The following SPEF2 variants were observed in gnomAD, a reference collection of about 807,000 sequenced individuals.
SPEF2 encodes sperm flagella and cilia-associated protein 2.
A neutral mutation model predicts 224.6 loss-of-function variants in SPEF2; 187 were observed. The ratio of observed to expected loss-of-function variants is 0.83; its 90% confidence interval spans 0.74 to 0.94. The LOEUF (loss-of-function observed/expected upper bound fraction) is 0.94. Ranked by LOEUF, SPEF2 falls within the 40% of genes least tolerant of loss-of-function variation. The pLI, the probability that SPEF2 is intolerant of heterozygous loss-of-function variation, is 0.00. For missense variants in SPEF2, 2,170 were observed against 2,135.6 expected, an observed-to-expected ratio of 1.02 and a Z score of -0.32; for synonymous variants, 715 against 707.3, an observed-to-expected ratio of 1.01 and a Z score of -0.17.
intron 3 of SPEF2, among the ~76,000 whole-genome samples, chr5:35,642,520 C>G (rs539678074): frequency 6.6e-6 from 1 of 152,282 alleles, no homozygotes; most frequent in Non-Finnish European, 1.5e-5. Context: ...GTCATATGAC[C>G]TTACCAGATT....
At chr5:35,791,106 C>T (rs994638191) in intron 30 of SPEF2, 1 of 152,126 alleles carries the variant, frequency 6.6e-6, no homozygotes, top group African/African-American at 2.4e-5. Flanking sequence ...AAGAACATAA[C>T]TAATTTATGT....
chr5:35,807,905 C>G (rs367795245), intron 36 of SPEF2: 5 of 1,443,396 alleles, frequency 3.5e-6, no homozygotes, highest in East Asian at 5.0e-5. Context: ...GACACCAACC[C>G]CCTTTCATAC....
chr5:35,805,246 G>A (rs1757917124), intron 34 of SPEF2, among the ~76,000 whole-genome samples: 1 of 151,790 alleles, frequency 6.6e-6, no homozygotes, highest in East Asian at 1.9e-4. Flanking sequence ...ACTTAACAAT[G>A]GATATAGAGA....
chr5:35,745,894 G>A (rs1748447938), intron 23 of SPEF2, among the ~76,000 whole-genome samples: 1 of 152,150 alleles, frequency 6.6e-6, no homozygotes, highest in African/African-American at 2.4e-5. Flanking sequence ...AAACCATCAA[G>A]GCTAAGAACT....
At chr5:35,729,560 A>G (rs755005506) in intron 21 of SPEF2, among the ~76,000 whole-genome samples, 38 of 152,304 alleles carry the variant, frequency 2.5e-4, no homozygotes, top group Non-Finnish European at 4.3e-4. Context: ...CTCATTTCCT[A>G]TGTAAGGCCA....
At chr5:35,814,312 C>A in intron 36 of SPEF2, 152 bp from the exon 37 acceptor site, 1 of 419,516 alleles carries the variant, frequency 2.4e-6, no homozygotes. Flanking sequence ...GGGATTAAAA[C>A]TAAATGGAGA....
At chr5:35,726,308 T>G (rs1399582170) in intron 20 of SPEF2, among the ~76,000 whole-genome samples, 2 of 152,202 alleles carry the variant, frequency 1.3e-5, no homozygotes, top group Admixed American at 6.5e-5. Context: ...TTCTTCTTCT[T>G]AGGAATTTTG....
At chr5:35,715,687 C>A (rs1200395101) in intron 20 of SPEF2, among the ~76,000 whole-genome samples, 1 of 152,054 alleles carries the variant, frequency 6.6e-6, no homozygotes, top group Non-Finnish European at 1.5e-5. Context: ...CCTAGATCTC[C>A]ATGTCTGCCT....
At chr5:35,739,160 A>G (rs955098489) in intron 21 of SPEF2, among the ~76,000 whole-genome samples, 1 of 152,142 alleles carries the variant, frequency 6.6e-6, no homozygotes, top group Non-Finnish European at 1.5e-5. Context: ...CATAATATGT[A>G]TTTTTCATAA....
At chr5:35,786,237 T>C (rs1207938692) in intron 30 of SPEF2, among the ~76,000 whole-genome samples, 2 of 152,208 alleles carry the variant, frequency 1.3e-5, no homozygotes, top group African/African-American at 4.8e-5. Flanking sequence ...AGTAGCCCAA[T>C]GCTTGAGTAA....
rs780058129 is a variant in SPEF2, at chr5:35,806,970, GA to G, written c.5256+24del. ...ATGCAGAGGTTGGTTAAATTATTTT[GA>G]AAAAAGTTGGCCTCAATTCTGAGCA... On this transcript the variant is annotated intron_variant, in intron 35 of 36. Transcript: ENST00000356031. The G allele has an allele frequency of 3.8e-6, 6 of 1,580,356 alleles. No individual in the cohort carries two copies. In the South Asian group the frequency reaches 7.1e-5, roughly 19 times the overall value.
At chr5:35,651,702 C>T (rs1748207775) in intron 6 of SPEF2, among the ~76,000 whole-genome samples, 2 of 152,208 alleles carry the variant, frequency 1.3e-5, no homozygotes, top group African/African-American at 4.8e-5. Context: ...ACTAACTTGA[C>T]TCCAGAAGGC....
intron 8 of SPEF2, among the ~76,000 whole-genome samples, chr5:35,665,566 G>GT (rs1013307995): frequency 7.9e-5 from 12 of 151,890 alleles, no homozygotes; most frequent in African/African-American, 1.9e-4. Context: ...TCCCTTAAAG[G>GT]TTTTTTTTCC....
intron 20 of SPEF2, among the ~76,000 whole-genome samples, chr5:35,721,994 G>A (rs1451801036): frequency 1.3e-5 from 2 of 152,000 alleles, no homozygotes; most frequent in African/African-American, 2.4e-5. Context: ...CAGAATTAAA[G>A]CTTTACAGAA....
intron 21 of SPEF2, among the ~76,000 whole-genome samples, chr5:35,739,095 T>C (rs1448724353): frequency 1.3e-5 from 2 of 152,224 alleles, no homozygotes; most frequent in Non-Finnish European, 2.9e-5. Flanking sequence ...ATAAAAACTA[T>C]GCATTAATTT....
intron 2 of SPEF2, among the ~76,000 whole-genome samples, chr5:35,638,218 T>TA (rs1176954782): frequency 5.3e-5 from 8 of 152,158 alleles, no homozygotes; most frequent in African/African-American, 1.7e-4. Context: ...ATTCTACAGA[T>TA]AAAGACCTTG....
At position 35,670,067 on chromosome 5, in the gene SPEF2, C is replaced by T. The variant is rs756934104; in HGVS notation, c.1364C>T (p.Pro455Leu). ...DYRMLTNNLI[P>L]YKLMHDWKEL... is the part of the protein sequence containing the mutation. ...TTTTTTTTGTGCGATAGTCTGATTC[C>T]GTATAAGTTGATGCATGATTGGAAG... Residue 455 changes from proline to leucine, a missense_variant, in exon 10 of 37, where the codon CCG (proline) becomes CTG (leucine). Physicochemically the swap from Pro to Leu is moderately conservative, Grantham distance 98 (BLOSUM62 -3). Coordinates refer to ENST00000356031, the MANE Select transcript of SPEF2 (RefSeq NM_024867.4). The T allele has an allele frequency of 1.8e-5, 29 of 1,597,972 alleles. No individual in the cohort carries two copies. Among genetic ancestry groups the T allele is most frequent in the South Asian group, 2.3e-5 (2 of 86,872 alleles).
intron 8 of SPEF2, 72 bp from the exon 9 acceptor site, chr5:35,667,000 C>A: frequency 1.4e-6 from 2 of 1,385,238 alleles, no homozygotes; most frequent in Non-Finnish European, 9.7e-7. Flanking sequence ...GACTTTTTGG[C>A]CATTGAAATG....
At chr5:35,691,004 A>C (rs1274839506) in intron 10 of SPEF2, 33 bp from the exon 11 acceptor site, 3 of 1,570,794 alleles carry the variant, frequency 1.9e-6, no homozygotes, top group Non-Finnish European at 1.7e-6. Flanking sequence ...ACTTTTCAGA[A>C]TATTTCTGTT....
Sources: gnomAD v4.1 joint callset for allele counts (sites outside exome capture counted in the v4.1 genomes callset) on GRCh38, gnomAD v4.1.1 for gene constraint, MANE v1.5 for transcripts, NCBI Gene and HGNC (gene_info 2026-07-23, HGNC 2026-07-21) for gene names.